The following CAPZB variants were observed in gnomAD, a reference collection of about 807,000 sequenced individuals.
The protein encoded by CAPZB is F-actin-capping protein subunit beta.
Under a neutral mutation model 38.1 loss-of-function variants are expected in CAPZB, and 2 were observed. The observed-to-expected ratio is 0.05, with a 90% CI of 0.02 to 0.17. The LOEUF is 0.17. Ranked by LOEUF, CAPZB falls within the 10% of genes least tolerant of loss-of-function variation. CAPZB has a pLI of 1.00. For missense variants in CAPZB, 161 were observed against 334.2 expected (o/e 0.48, Z 4.04); for synonymous variants, 107 against 127.4 (o/e 0.84, Z 1.08).
intron 1 of CAPZB, among the ~76,000 whole-genome samples, chr1:19,464,652 A>T (rs1369280928): frequency 2.0e-5 from 3 of 152,118 alleles, no homozygotes; most frequent in Non-Finnish European, 1.5e-5. Context: ...GGCAACCCAA[A>T]TGTTCATCAA....
intron 1 of CAPZB, among the ~76,000 whole-genome samples, chr1:19,469,905 G>A (rs543074771): frequency 6.6e-6 from 1 of 152,182 alleles, no homozygotes; most frequent in Middle Eastern, 3.4e-3. Context: ...CAGGACAGAC[G>A]GACTACTGTG....
intron 1 of CAPZB, among the ~76,000 whole-genome samples, chr1:19,481,105 G>C (rs541019972): frequency 2.6e-5 from 4 of 152,274 alleles, no homozygotes; most frequent in South Asian, 2.1e-4. Flanking sequence ...CTATTTTCTT[G>C]TACTATGCTG....
chr1:19,431,642 AC>A (rs2094442056), intron 1 of CAPZB, among the ~76,000 whole-genome samples: 1 of 151,656 alleles, frequency 6.6e-6, no homozygotes, highest in Non-Finnish European at 1.5e-5. Context: ...AATGGCGTGA[AC>A]CCAGGAGGCG....
chr1:19,425,570 T>A (rs2094419375), intron 1 of CAPZB, among the ~76,000 whole-genome samples: 1 of 152,188 alleles, frequency 6.6e-6, no homozygotes, highest in Non-Finnish European at 1.5e-5. Context: ...ATTTTCTTAT[T>A]TTGGTATATA....
At chr1:19,406,045 G>C (rs2094330262) in intron 2 of CAPZB, among the ~76,000 whole-genome samples, 1 of 152,200 alleles carries the variant, frequency 6.6e-6, no homozygotes, top group South Asian at 2.1e-4. Context: ...CTCTGTGCGT[G>C]CTATGACTGA....
At chr1:19,345,126 G>T in intron 7 of CAPZB, 61 bp downstream of exon 7, 1 of 1,278,836 alleles carries the variant, frequency 7.8e-7, no homozygotes, top group Non-Finnish European at 1.1e-6. Flanking sequence ...CAGCGGCTCC[G>T]GGGCTGCAGT....
At chr1:19,364,470 T>A (rs1241135115) in intron 4 of CAPZB, among the ~76,000 whole-genome samples, 1 of 152,258 alleles carries the variant, frequency 6.6e-6, no homozygotes, top group Non-Finnish European at 1.5e-5. Flanking sequence ...GACTTCTCAC[T>A]ACTGCCTTCC....
intron 1 of CAPZB, among the ~76,000 whole-genome samples, chr1:19,431,405 A>T (rs1434685064): frequency 3.3e-5 from 5 of 152,236 alleles, no homozygotes; most frequent in Non-Finnish European, 4.4e-5. Context: ...ATTTAAGAAT[A>T]GAGTTGATTT....
rs539419068 is a variant in CAPZB at position 19,463,202 on chromosome 1, G to A, written c.3+22234C>T. ...AAATAGAGTATTATTAGGTGGCTGCGCGGGTCTACAGGGCAATGTCTGGGG... is the reference window on the plus strand; with the variant it reads ...AAATAGAGTATTATTAGGTGGCTGCACGGGTCTACAGGGCAATGTCTGGGG... On this transcript the variant is annotated intron_variant, in intron 1 of 8. Transcript: ENST00000264202. Among the ~76,000 whole-genome samples, 9 of 152,284 alleles carry A rather than the reference G, an allele frequency of 5.9e-5. No homozygotes were observed. In the South Asian group the frequency reaches 1.7e-3, roughly 28 times the overall value.
intron 8 of CAPZB, among the ~76,000 whole-genome samples, chr1:19,343,040 G>A (rs1308415593): frequency 1.3e-5 from 2 of 152,152 alleles, no homozygotes; most frequent in East Asian, 1.9e-4. Context: ...CCACGCTGGC[G>A]GTGGTCGTGG....
At chr1:19,465,419 T>G (rs1004718765) in intron 1 of CAPZB, among the ~76,000 whole-genome samples, 1 of 152,216 alleles carries the variant, frequency 6.6e-6, no homozygotes, top group Admixed American at 6.5e-5. Context: ...CCTTCAGAAC[T>G]GTGAGTAATC....
chr1:19,457,013 G>A (rs2094535027), intron 1 of CAPZB, among the ~76,000 whole-genome samples: 1 of 152,200 alleles, frequency 6.6e-6, no homozygotes, highest in African/African-American at 2.4e-5. Flanking sequence ...CTCTGTGTGT[G>A]TTGGAGGGTA....
chr1:19,360,641 C>T (rs751813677), intron 4 of CAPZB, among the ~76,000 whole-genome samples: 7 of 152,246 alleles, frequency 4.6e-5, no homozygotes, highest in Non-Finnish European at 8.8e-5. Context: ...GCTGCTTCCC[C>T]TCAGTCCCAT....
chr1:19,436,885 C>T (rs12137160), intron 1 of CAPZB, among the ~76,000 whole-genome samples: 35,343 of 152,092 alleles, frequency 0.23, 4,453 homozygotes, highest in Non-Finnish European at 0.28. Context: ...TGCCAACCTC[C>T]AGAAAACAGT....
intron 1 of CAPZB, among the ~76,000 whole-genome samples, chr1:19,420,297 T>G (rs2094396366): frequency 6.6e-6 from 1 of 152,192 alleles, no homozygotes; most frequent in Admixed American, 6.5e-5. Context: ...TGAACCACAC[T>G]ACAGTCAAGA....
chr1:19,406,591 G>C (rs776560825), intron 2 of CAPZB, among the ~76,000 whole-genome samples: 1 of 152,188 alleles, frequency 6.6e-6, no homozygotes, highest in African/African-American at 2.4e-5. Flanking sequence ...ACAGCGTGAC[G>C]GAGAAGACAG....
At chr1:19,428,618 T>C (rs187477702) in intron 1 of CAPZB, among the ~76,000 whole-genome samples, 26 of 152,366 alleles carry the variant, frequency 1.7e-4, no homozygotes, top group South Asian at 1.2e-3. Context: ...CAATTTCATC[T>C]GAGTCCTGCT....
At chr1:19,479,613 T>A (rs2094620361) in intron 1 of CAPZB, among the ~76,000 whole-genome samples, 1 of 152,108 alleles carries the variant, frequency 6.6e-6, no homozygotes, top group African/African-American at 2.4e-5. Flanking sequence ...TCCCTTCCTT[T>A]CCACACCCAC....
chr1:19,354,789 C>T (rs1367195755), intron 6 of CAPZB, among the ~76,000 whole-genome samples: 1 of 152,190 alleles, frequency 6.6e-6, no homozygotes, highest in Non-Finnish European at 1.5e-5. Flanking sequence ...GTAAGTGATA[C>T]AGGAAGCAGT....
Sources: allele counts gnomAD v4.1 joint callset (sites outside exome capture counted in the v4.1 genomes callset), GRCh38; gene constraint gnomAD v4.1.1; transcripts MANE v1.5; gene names NCBI Gene and HGNC (gene_info 2026-07-23, HGNC 2026-07-21).